ERC2: variants seen among roughly 807,000 people sequenced by gnomAD.
ERC2 encodes ERC protein 2.
A neutral mutation model predicts 114.8 loss-of-function variants in ERC2; 42 were observed. The observed-to-expected ratio is 0.37, with a 90% CI of 0.29 to 0.47. ERC2 has a LOEUF of 0.47. Among genes scored for constraint, ERC2 ranks in the 20% least tolerant of loss-of-function variants. ERC2 has a pLI of 0.99. For synonymous variants in ERC2, 454 were observed against 425.5 expected, an observed-to-expected ratio of 1.07 and a Z score of -0.82; for missense variants, 939 against 1,150.7, an observed-to-expected ratio of 0.82 and a Z score of 2.66.
rs755790341 is a variant in ERC2, at chr3:56,251,770, T to C, written c.1074+44249A>G. ...TCACAGCCTTAAATATGTTAACCTA[T>C]ATTGGAAATCTCTAAACGGAGACGT... On this transcript the variant is annotated intron_variant, in intron 3 of 17. Coordinates refer to ENST00000288221, the MANE Select transcript of ERC2 (RefSeq NM_015576.3). Among the ~76,000 whole-genome samples, 10 of 152,238 alleles carry C rather than the reference T, an allele frequency of 6.6e-5. 1 individual carries two copies. The highest frequency in any genetic ancestry group is 1.3e-4 in the Non-Finnish European group (9 of 68,030).
At chr3:56,384,885 T>C (rs1410706582) in intron 2 of ERC2, among the ~76,000 whole-genome samples, 1 of 152,168 alleles carries the variant, frequency 6.6e-6, no homozygotes, top group East Asian at 1.9e-4. Context: ...TCCAACCTCA[T>C]TATTTTACAT....
At chr3:56,018,822 T>A (rs1576583019) in intron 8 of ERC2, 72 bp downstream of exon 8, 1 of 1,515,432 alleles carries the variant, frequency 6.6e-7, no homozygotes, top group South Asian at 1.2e-5. Context: ...CACATTTAAA[T>A]GCATTGGGAT....
At chr3:56,389,733 T>C (rs10510785) in intron 2 of ERC2, among the ~76,000 whole-genome samples, 2,507 of 152,260 alleles carry the variant, frequency 0.016, 179 homozygotes, top group Admixed American at 0.12. Flanking sequence ...CCTTTGATTC[T>C]GCTGCTTGGA....
At chr3:55,930,037 G>A (rs1303864040) in intron 13 of ERC2, among the ~76,000 whole-genome samples, 1 of 152,254 alleles carries the variant, frequency 6.6e-6, no homozygotes, top group East Asian at 1.9e-4. Context: ...TCAGGAATTC[G>A]AGACCAGCCT....
chr3:56,103,403 G>C (rs777344187), intron 6 of ERC2, among the ~76,000 whole-genome samples: 2 of 152,078 alleles, frequency 1.3e-5, no homozygotes, highest in South Asian at 2.1e-4. Context: ...GGATGTAATG[G>C]AGCCAAAAGT....
At chr3:56,266,153 C>T (rs71617291) in intron 3 of ERC2, among the ~76,000 whole-genome samples, 86,963 of 126,932 alleles carry the variant, frequency 0.69, 30,815 homozygotes, top group Non-Finnish European at 0.77. Flanking sequence ...TTTTTTGAGA[C>T]GGAGTCTTGC....
intron 3 of ERC2, among the ~76,000 whole-genome samples, chr3:56,256,486 A>C (rs1294208388): frequency 6.6e-6 from 1 of 152,020 alleles, no homozygotes; most frequent in African/African-American, 2.4e-5. Context: ...TTTGCTCTTG[A>C]TTTCCAGGAA....
chr3:55,781,122 G>A (rs2069005292), intron 14 of ERC2, among the ~76,000 whole-genome samples: 1 of 152,204 alleles, frequency 6.6e-6, no homozygotes, highest in Admixed American at 6.5e-5. Context: ...GACAAGGAAG[G>A]CTGTCTCTGC....
At chr3:55,960,421 C>T (rs1326027229) in intron 12 of ERC2, among the ~76,000 whole-genome samples, 1 of 152,190 alleles carries the variant, frequency 6.6e-6, no homozygotes, top group African/African-American at 2.4e-5. Context: ...ACTCCTCCCA[C>T]AGCTGACTTT....
chr3:55,665,236 C>G (rs1559470102), intron 17 of ERC2, among the ~76,000 whole-genome samples: 2 of 152,192 alleles, frequency 1.3e-5, no homozygotes, highest in Non-Finnish European at 2.9e-5. Context: ...CCACTGTTCT[C>G]AGGGTTCCAT....
chr3:55,557,342 C>T (rs185330152), intron 17 of ERC2, among the ~76,000 whole-genome samples: 55 of 152,310 alleles, frequency 3.6e-4, no homozygotes, highest in Non-Finnish European at 7.8e-4. Context: ...AAAGGGCAGA[C>T]ATCAGGAATT....
At chr3:56,031,454 A>G (rs1438863767) in intron 7 of ERC2, among the ~76,000 whole-genome samples, 1 of 152,214 alleles carries the variant, frequency 6.6e-6, no homozygotes, top group East Asian at 1.9e-4. Context: ...CCCAGACTCC[A>G]TCTCATGGCC....
chr3:56,089,571 G>A (rs2077677574), intron 6 of ERC2, among the ~76,000 whole-genome samples: 1 of 150,528 alleles, frequency 6.6e-6, no homozygotes, highest in African/African-American at 2.5e-5. Context: ...TTTTTGTATT[G>A]TCTTCAAAAT....
Position 55,643,239 on chromosome 3 carries a change from A to T in ERC2, c.*39+40555T>A, listed in dbSNP as rs546999724. 5.3e-5 allele frequency among the ~76,000 whole-genome samples: 8 copies of T among 152,330 alleles called. No homozygotes were observed. The East Asian group carries it at 1.2e-3, about 22-fold the overall frequency. On this transcript the variant is annotated intron_variant, in intron 17 of 17. Coordinates refer to ENST00000288221, the MANE Select transcript of ERC2 (RefSeq NM_015576.3). ...TAGAATGCAACTTAAAATTTTTTTT[A>T]AAAATCTAGGCTCACCTTTCCTTGA...
At chr3:55,808,801 A>G (rs1256368836) in intron 14 of ERC2, among the ~76,000 whole-genome samples, 1 of 144,334 alleles carries the variant, frequency 6.9e-6, no homozygotes, top group African/African-American at 2.6e-5. Context: ...TGACTCTACT[A>G]GTCCTTTTCC....
At chr3:56,058,581 A>C (rs1283447698) in intron 7 of ERC2, among the ~76,000 whole-genome samples, 2 of 152,210 alleles carry the variant, frequency 1.3e-5, no homozygotes, top group African/African-American at 4.8e-5. Context: ...ACATGAAGTC[A>C]GTGGACTTTA....
intron 14 of ERC2, among the ~76,000 whole-genome samples, chr3:55,749,813 G>A (rs1162948704): frequency 6.6e-6 from 1 of 152,106 alleles, no homozygotes; most frequent in African/African-American, 2.4e-5. Flanking sequence ...AATAAACCTT[G>A]CTACTGCCCA....
At chr3:56,398,000 C>T (rs1239360239) in intron 2 of ERC2, among the ~76,000 whole-genome samples, 1 of 152,156 alleles carries the variant, frequency 6.6e-6, no homozygotes, top group African/African-American at 2.4e-5. Flanking sequence ...ACTTACATCC[C>T]ATTGGCCCTA....
intron 17 of ERC2, among the ~76,000 whole-genome samples, chr3:55,593,674 G>A (rs1159430338): frequency 1.3e-5 from 2 of 152,114 alleles, no homozygotes; most frequent in Non-Finnish European, 2.9e-5. Context: ...TGGTGGGGCA[G>A]GTACTTTTAT....
Sources: gnomAD v4.1 joint callset for allele counts (sites outside exome capture counted in the v4.1 genomes callset) on GRCh38, gnomAD v4.1.1 for gene constraint, MANE v1.5 for transcripts, NCBI Gene and HGNC (gene_info 2026-07-23, HGNC 2026-07-21) for gene names.